Variants in DGKD observed in about 807,000 individuals in gnomAD.
The protein encoded by DGKD is DAG kinase delta.
A neutral mutation model predicts 154.4 loss-of-function variants in DGKD; 68 were observed. That is an observed-to-expected ratio of 0.44 (90% CI 0.36 to 0.54). DGKD has a LOEUF of 0.54. Among genes scored for constraint, DGKD ranks in the 20% least tolerant of loss-of-function variants. The pLI is 0.00. For missense variants in DGKD, 1,343 were observed against 1,593.6 expected (o/e 0.84, Z 2.68); for synonymous variants, 693 against 638.0 (o/e 1.09, Z -1.30).
At chr2:233,417,685 C>A (rs1258300701) in intron 3 of DGKD, among the ~76,000 whole-genome samples, 1 of 152,126 alleles carries the variant, frequency 6.6e-6, no homozygotes, top group Non-Finnish European at 1.5e-5. Flanking sequence ...CAAACAAAAA[C>A]CACTCAAAAG....
chr2:233,363,883 T>C (rs1701901169), intron 1 of DGKD, among the ~76,000 whole-genome samples: 1 of 152,210 alleles, frequency 6.6e-6, no homozygotes, highest in African/African-American at 2.4e-5. Flanking sequence ...GCCATCTAGA[T>C]TTGTGAAAGT....
chr2:233,414,558 G>T (rs2061910368), intron 3 of DGKD, among the ~76,000 whole-genome samples: 1 of 152,162 alleles, frequency 6.6e-6, no homozygotes, highest in African/African-American at 2.4e-5. Flanking sequence ...CTGTCTTGTG[G>T]CCCCAGCTCC....
At chr2:233,359,224 T>C (rs1701667090) in intron 1 of DGKD, among the ~76,000 whole-genome samples, 1 of 152,208 alleles carries the variant, frequency 6.6e-6, no homozygotes, top group African/African-American at 2.4e-5. Context: ...TGTCTAAACC[T>C]CCCTTAAGAC....
chr2:233,436,571 T>A (rs780593553), intron 7 of DGKD, 130 bp downstream of exon 7: 6 of 1,349,930 alleles, frequency 4.4e-6, no homozygotes, highest in Non-Finnish European at 5.9e-6. Context: ...CGGCTGAGAG[T>A]GGGTTTTTGA....
intron 18 of DGKD, among the ~76,000 whole-genome samples, chr2:233,453,996 A>C (rs1320894207): frequency 6.6e-6 from 1 of 152,200 alleles, no homozygotes; most frequent in African/African-American, 2.4e-5. Context: ...GAAATGTGTG[A>C]GTTTCTGTGC....
intron 1 of DGKD, among the ~76,000 whole-genome samples, chr2:233,376,365 A>G (rs1225135971): frequency 6.6e-6 from 1 of 152,248 alleles, no homozygotes; most frequent in Non-Finnish European, 1.5e-5. Flanking sequence ...CACATCTGTC[A>G]CTTCACTGTA....
rs1229032935 is a variant in DGKD, at chr2:233,438,174, T to C, written c.923-43T>C. ...TTCCATCAGTGGTGCCCTCAGCGTC[T>C]TCCGTGGCCTATATATTTTCTTCTG... On this transcript the variant is annotated intron_variant, in intron 8 of 29. Coordinates refer to ENST00000264057, the MANE Select transcript of DGKD (RefSeq NM_152879.3). This position sits in a 1 kb window ranked among gnomAD's most constrained non-coding sequence, Gnocchi z 4.1. 1 of 1,601,432 alleles carries C rather than the reference T, an allele frequency of 6.2e-7. No homozygotes were observed. The highest frequency in any genetic ancestry group is 2.2e-5 in the East Asian group (1 of 44,650).
chr2:233,397,548 C>G, intron 3 of DGKD, among the ~76,000 whole-genome samples: 1 of 101,650 alleles, frequency 9.8e-6, no homozygotes, highest in Non-Finnish European at 2.0e-5. Context: ...GGGGGGGGGG[C>G]AGAGTGAGAG....
chr2:233,451,987 T>TCCTTAC lies in DGKD; in HGVS notation c.2194_2199dup (p.Leu732_Pro733dup). 2 of 1,614,086 alleles carry TCCTTAC rather than the reference T, an allele frequency of 1.2e-6. No homozygotes were observed. Among genetic ancestry groups the TCCTTAC allele is most frequent in the Non-Finnish European group, 1.7e-6 (2 of 1,179,938 alleles). ...AGATGTCCGGGCTGGAATGTCTGGT[T>TCCTTAC]CCTTACCCGGTGGCTCAGTCATCAG... On this transcript the variant is annotated inframe_insertion, in exon 18 of 30. Coordinates refer to ENST00000264057, the MANE Select transcript of DGKD (RefSeq NM_152879.3).
intron 17 of DGKD, 137 bp from the exon 18 acceptor site, chr2:233,451,826 TG>T: frequency 1.4e-6 from 1 of 726,666 alleles, no homozygotes. Context: ...AATTTGGACA[TG>T]GTTATACATA....
At position 233,464,160 on chromosome 2, in the gene DGKD, G is replaced by GAGTACC; in HGVS notation, c.3187-4_3187-3insAGTACC. 1.2e-6 allele frequency: 2 copies of GAGTACC among 1,613,400 alleles called. No individual in the cohort carries two copies. The highest frequency in any genetic ancestry group is 1.7e-6 in the Non-Finnish European group (2 of 1,180,040). ...TTCTCTCTCCCTCCCTCCGCCTGGA[G>GAGTACC]CAGCAGCTGGATCCGCCTCAGAAGG... On this transcript the variant is annotated splice_polypyrimidine_tract_variant and splice_region_variant and intron_variant, in intron 26 of 29. Transcript: ENST00000264057.
chr2:233,375,339 G>A (rs1293238187), intron 1 of DGKD, among the ~76,000 whole-genome samples: 1 of 151,896 alleles, frequency 6.6e-6, no homozygotes. Flanking sequence ...TGGGAAGGAT[G>A]TTATCTCGGC....
chr2:233,363,775 G>T (rs1488110472), intron 1 of DGKD, among the ~76,000 whole-genome samples: 2 of 152,188 alleles, frequency 1.3e-5, no homozygotes, highest in Non-Finnish European at 2.9e-5. Context: ...GCAAATACTT[G>T]CCGTTGAGTT....
intron 1 of DGKD, among the ~76,000 whole-genome samples, chr2:233,369,559 G>A (rs555854426): frequency 1.3e-5 from 2 of 152,302 alleles, no homozygotes; most frequent in East Asian, 3.9e-4. Flanking sequence ...GTTTGTGCAT[G>A]TACTTTATGG....
intron 3 of DGKD, among the ~76,000 whole-genome samples, chr2:233,411,177 C>T (rs545109641): frequency 1.3e-5 from 2 of 152,208 alleles, no homozygotes; most frequent in South Asian, 2.1e-4. Flanking sequence ...TTTGTGTGGA[C>T]ATATTTTCAT....
intron 13 of DGKD, 30 bp from the exon 14 acceptor site, chr2:233,448,246 A>G: frequency 6.2e-7 from 1 of 1,613,954 alleles, no homozygotes; most frequent in Non-Finnish European, 8.5e-7. Context: ...CTGCCTCTCT[A>G]GAAGGGTCTT....
rs537387352 is a variant in DGKD at position 233,378,317 on chromosome 2, C to T, written c.157-9940C>T. Among the ~76,000 whole-genome samples, 199 of 150,882 alleles carry T rather than the reference C, an allele frequency of 1.3e-3. 1 individual carries two copies. The highest frequency in any genetic ancestry group is 4.0e-3 in the African/African-American group (162 of 40,958). On this transcript the variant is annotated intron_variant, in intron 1 of 29. Transcript: ENST00000264057. ...GTCCCAGCTACTCAGGAGGCTGAGA[C>T]GGGAGAATTGCTTGAACTGGGGAGG...
rs551360833 is a variant in DGKD at position 233,409,430 on chromosome 2, G to C, written c.348+18947G>C. On this transcript the variant is annotated intron_variant, in intron 3 of 29. Transcript: ENST00000264057. ...TTTTTTCCTAGGGTGCCTAGGCAGT[G>C]AATACTTTTTAGCCATCTTTACTCA... Among the ~76,000 whole-genome samples the C allele has an allele frequency of 3.1e-4, 47 of 151,850 alleles. No homozygotes were observed. The East Asian group carries it at 8.5e-3, about 27-fold the overall frequency.
chr2:233,445,845 T>C lies in DGKD; in HGVS notation c.1334+83T>C. On this transcript the variant is annotated intron_variant, in intron 11 of 29. Coordinates refer to ENST00000264057, the MANE Select transcript of DGKD (RefSeq NM_152879.3). The surrounding 1 kb of genome is among the most constrained non-coding windows in gnomAD (Gnocchi z 5.5). The stretch of plus-strand genomic sequence containing the variant: ...GACCAGGTGTTCTTAACCTGGGGTC[T>C]GTGGAAAACATGGGCCCTCTGAAAT... 6.9e-7 allele frequency: 1 copy of C among 1,448,096 alleles called. No individual in the cohort carries two copies. The highest frequency in any genetic ancestry group is 9.2e-7 in the Non-Finnish European group (1 of 1,088,488). 89.7% of individuals were successfully genotyped at this position (1,448,096 alleles called of 1,614,324 possible).
Sources: allele counts gnomAD v4.1 joint callset (sites outside exome capture counted in the v4.1 genomes callset), GRCh38; gene constraint gnomAD v4.1.1; non-coding constraint Gnocchi (gnomAD v3.1); transcripts MANE v1.5; gene names NCBI Gene and HGNC (gene_info 2026-07-23, HGNC 2026-07-21).